The following DYNC2I2 variants were observed in gnomAD, a reference collection of about 807,000 sequenced individuals.
DYNC2I2 encodes dynein 2 intermediate chain 2.
DYNC2I2 carries 39 observed loss-of-function variants against 52.0 expected under a neutral mutation model. That is an observed-to-expected ratio of 0.75 (90% CI 0.58 to 0.98). DYNC2I2 has a LOEUF of 0.98. Among genes scored for constraint, DYNC2I2 ranks in the 50% least tolerant of loss-of-function variants. The pLI is 0.00. For missense variants in DYNC2I2, 743 were observed against 728.4 expected (o/e 1.02, Z -0.23); for synonymous variants, 359 against 321.1 (o/e 1.12, Z -1.26).
At chr9:128,641,063 C>A (rs1002773651) in intron 1 of DYNC2I2, 124 bp from the exon 2 acceptor site, 1 of 1,413,672 alleles carries the variant, frequency 7.1e-7, no homozygotes, top group Non-Finnish European at 9.3e-7. Context: ...CTAGGGGCCT[C>A]TCTCAGTGAG....
At position 128,653,782 on chromosome 9, in the gene DYNC2I2, C is replaced by G. The variant is rs1222612182; in HGVS notation, c.186+2759G>C. On this transcript the variant is annotated intron_variant, in intron 1 of 8. Transcript: ENST00000372715. ...ATCCCAGCAATTTGGGAGGCCAAGG[C>G]AGGCGGATCACGAGGTCAGGAGATG... 3.3e-5 allele frequency among the ~76,000 whole-genome samples: 5 copies of G among 152,196 alleles called. No individual in the cohort carries two copies. In the East Asian group the frequency reaches 9.7e-4, roughly 29 times the overall value.
chr9:128,639,303 CAGG>C (rs1860468111), intron 2 of DYNC2I2, among the ~76,000 whole-genome samples: 1 of 151,948 alleles, frequency 6.6e-6, no homozygotes, highest in Non-Finnish European at 1.5e-5. Context: ...GAGGCTGAGA[CAGG>C]AGAATTGCTT....
rs2132141723 is a variant in DYNC2I2 at position 128,635,193 on chromosome 9, T to C, written c.880A>G (p.Lys294Glu). 1 of 1,613,386 alleles carries C rather than the reference T, an allele frequency of 6.2e-7. No individual in the cohort carries two copies. The highest frequency in any genetic ancestry group is 1.1e-5 in the South Asian group (1 of 91,086). Reference sequence around the variant, plus strand: ...CCGATGCCCTGCCAGAGTAGCACCTTCCCGTCGGTGGCCACACTCAGCACC... The same window carrying C: ...CCGATGCCCTGCCAGAGTAGCACCTCCCCGTCGGTGGCCACACTCAGCACC... ...FQVLSVATDG[K>E]VLLWQGIGVG... is the part of the protein sequence containing the mutation. The change falls in exon 6 of 9, where the codon AAG (lysine) becomes GAG (glutamate). Residue 294 changes from lysine (K) to glutamate (E), a missense_variant. Transcript: ENST00000372715.
the DYNC2I2 span, among the ~76,000 whole-genome samples, chr9:128,664,192 C>T: frequency 6.6e-6 from 1 of 151,984 alleles, no homozygotes; most frequent in Non-Finnish European, 1.5e-5. Flanking sequence ...GAACCTCTAA[C>T]CTCAGGTGAT....
At chr9:128,635,055 C>G in intron 6 of DYNC2I2, 37 bp downstream of exon 6, 1 of 1,592,224 alleles carries the variant, frequency 6.3e-7, no homozygotes, top group South Asian at 1.1e-5. Context: ...CAAGGCTCAC[C>G]GGCGCAGGCC....
chr9:128,656,651 C>T lies in DYNC2I2; in HGVS notation c.76G>A (p.Val26Ile). Reference sequence around the variant, plus strand: ...CGCCCCGGCCCCGGGCCGCTCGCAACCCCGACTGTCGCCAGCGCCGCAACA... The same window carrying T: ...CGCCCCGGCCCCGGGCCGCTCGCAATCCCGACTGTCGCCAGCGCCGCAACA... ...AGVAALATVG[V>I]ASGPGPGRPG... Residue 26 changes from valine to isoleucine, a missense_variant, in exon 1 of 9, where the codon GTT becomes ATT. Coordinates refer to ENST00000372715, the MANE Select transcript of DYNC2I2 (RefSeq NM_052844.4). 2 of 1,509,490 alleles carry T rather than the reference C, an allele frequency of 1.3e-6. No individual in the cohort carries two copies. Among genetic ancestry groups the T allele is most frequent in the Non-Finnish European group, 1.8e-6 (2 of 1,137,470 alleles). The allele number at this position is 1,509,490 out of a possible 1,614,324, so 93.5% of individuals were successfully genotyped here. A position where few individuals can be genotyped will look rare whatever the true frequency, so the allele number is the denominator to read the frequency against.
the DYNC2I2 span, among the ~76,000 whole-genome samples, chr9:128,669,128 G>A: frequency 2.6e-5 from 4 of 152,128 alleles, no homozygotes; most frequent in Non-Finnish European, 5.9e-5. Context: ...CACTTTGGGA[G>A]GCCGAGGCGG....
the DYNC2I2 span, among the ~76,000 whole-genome samples, chr9:128,662,131 G>T: frequency 6.6e-6 from 1 of 151,710 alleles, no homozygotes; most frequent in Non-Finnish European, 1.5e-5. Flanking sequence ...TACTTTGGAG[G>T]CTGAGGCAGG....
chr9:128,635,954 T>C (rs1379859374), intron 4 of DYNC2I2, 187 bp from the exon 5 acceptor site: 7 of 676,366 alleles, frequency 1.0e-5, no homozygotes, highest in African/African-American at 3.6e-5. Flanking sequence ...CCAGGGAGCT[T>C]TGCCGGACAC....
At chr9:128,668,106 G>GCA in the DYNC2I2 span, among the ~76,000 whole-genome samples, 2 of 151,720 alleles carry the variant, frequency 1.3e-5, no homozygotes, top group African/African-American at 2.4e-5. Context: ...GATTACAGGC[G>GCA]TGAGCCACTA....
intron 7 of DYNC2I2, 108 bp downstream of exon 7, chr9:128,634,580 TG>T: frequency 7.6e-7 from 1 of 1,318,660 alleles, no homozygotes; most frequent in Non-Finnish European, 1.0e-6. Context: ...GGTCTCAGAG[TG>T]GGCAGAAGGC....
rs762438684 is a variant in DYNC2I2 at position 128,636,284 on chromosome 9, C to T, written c.700G>A (p.Ala234Thr). The T allele has an allele frequency of 1.9e-6, 3 of 1,566,078 alleles. No homozygotes were observed. The highest frequency in any genetic ancestry group is 2.6e-6 in the Non-Finnish European group (3 of 1,155,704). ...AFHPTQPSHV[A>T]GGLYSGEVLV... ...GCGGACACAGCAGGCAGCTCACCTG[C>T]GACGTGGGAGGGCTGCGTGGGGTGG... Residue 234 changes from alanine to threonine, a missense_variant, in exon 4 of 9, where the codon GCA (alanine) becomes ACA (threonine). Coordinates refer to ENST00000372715, the MANE Select transcript of DYNC2I2 (RefSeq NM_052844.4).
the DYNC2I2 span, among the ~76,000 whole-genome samples, chr9:128,663,952 CTTTTT>C: frequency 0.058 from 5,900 of 101,800 alleles, 131 homozygotes; most frequent in East Asian, 0.13. Flanking sequence ...TGCACCCAGG[CTTTTT>C]TTTTTTTTTT....
chr9:128,656,890 G>T, upstream of DYNC2I2: 1 of 728,238 alleles, frequency 1.4e-6, no homozygotes, highest in Non-Finnish European at 2.0e-6. Context: ...ATTCTTCTCG[G>T]CCAGAGAGAG....
the DYNC2I2 span, chr9:128,683,553 C>A: frequency 5.6e-5 from 15 of 266,844 alleles, no homozygotes; most frequent in African/African-American, 3.0e-4. Flanking sequence ...TGGGAACGAA[C>A]TGGGGGATAG....
chr9:128,636,888 C>T (rs1449487672), intron 3 of DYNC2I2, 30 bp downstream of exon 3: 1 of 1,563,188 alleles, frequency 6.4e-7, no homozygotes, highest in Non-Finnish European at 8.8e-7. Context: ...GGGTGGCGAG[C>T]TGCCCCTCAC....
the DYNC2I2 span, among the ~76,000 whole-genome samples, chr9:128,669,463 T>G: frequency 1.3e-5 from 2 of 152,116 alleles, no homozygotes; most frequent in Non-Finnish European, 2.9e-5. Context: ...TTCAGGAGGC[T>G]GAGGTGGTCA....
the DYNC2I2 span, among the ~76,000 whole-genome samples, chr9:128,676,872 G>A: frequency 8.3e-5 from 12 of 144,974 alleles, no homozygotes; most frequent in South Asian, 1.3e-3. Flanking sequence ...TTTTTGAGAC[G>A]GAGTCTCGCT....
At chr9:128,655,403 A>G (rs1183409107) in intron 1 of DYNC2I2, among the ~76,000 whole-genome samples, 2 of 134,016 alleles carry the variant, frequency 1.5e-5, no homozygotes, top group Non-Finnish European at 3.2e-5. Context: ...CCCAGCTACT[A>G]GGGAGGCTGA....
Sources: gnomAD v4.1 joint callset for allele counts (sites outside exome capture counted in the v4.1 genomes callset) on GRCh38, gnomAD v4.1.1 for gene constraint, MANE v1.5 for transcripts, NCBI Gene and HGNC (gene_info 2026-07-23, HGNC 2026-07-21) for gene names.